ZNF491: variants seen among roughly 807,000 people sequenced by gnomAD.
The protein encoded by ZNF491 is zinc finger protein 491.
Under a neutral mutation model 34.7 loss-of-function variants are expected in ZNF491, and 22 were observed. The ratio of observed to expected loss-of-function variants is 0.63; its 90% confidence interval spans 0.45 to 0.90. The LOEUF (loss-of-function observed/expected upper bound fraction) is 0.90. Among genes scored for constraint, ZNF491 ranks in the 40% least tolerant of loss-of-function variants. The pLI is 0.00. For missense variants in ZNF491, 559 were observed against 531.7 expected, an observed-to-expected ratio of 1.05 and a Z score of -0.51; for synonymous variants, 148 against 174.3, an observed-to-expected ratio of 0.85 and a Z score of 1.19.
Position 11,807,489 on chromosome 19 carries a change from C to T in ZNF491, c.*222C>T, listed in dbSNP as rs1975631904. 7.1e-6 allele frequency: 3 copies of T among 422,944 alleles called. No homozygotes were observed. Among genetic ancestry groups the T allele is most frequent in the African/African-American group, 2.0e-5 (1 of 48,878 alleles). The allele number at this position is 422,944 out of a possible 1,614,324, so 26.2% of individuals were successfully genotyped here. On this transcript the variant is annotated 3_prime_UTR_variant, in exon 3 of 3. Transcript: ENST00000323169. The stretch of plus-strand genomic sequence containing the variant: ...AGGCAGACATGAGGAAGGCCTTAGT[C>T]ACATTTTAGAGCCAGCCAAATTCAC...
At position 11,806,746 on chromosome 19, in the gene ZNF491, C is replaced by A. The variant is rs1040781481; in HGVS notation, c.793C>A (p.His265Asn). 1.9e-6 allele frequency: 3 copies of A among 1,613,892 alleles called. No individual in the cohort carries two copies. Among genetic ancestry groups the A allele is most frequent in the Non-Finnish European group, 2.5e-6 (3 of 1,179,910 alleles). ...AAGCTTTCGAAGACACATGAGAATG[C>A]ACACTGGAGAGAGGCCTCATAAATG... ...LISFRRHMRM[H>N]TGERPHKCKI... is the part of the protein sequence containing the mutation. The change falls in exon 3 of 3, where the codon CAC becomes AAC. Residue 265 changes from histidine (H) to asparagine (N), a missense_variant. Coordinates refer to ENST00000323169, the MANE Select transcript of ZNF491 (RefSeq NM_152356.4).
chr19:11,802,687 G>C (rs200673443), intron 1 of ZNF491, among the ~76,000 whole-genome samples: 1 of 152,106 alleles, frequency 6.6e-6, no homozygotes, highest in Non-Finnish European at 1.5e-5. Context: ...TTAATCAGTT[G>C]GGTTGGTGAG....
chr19:11,807,358 C>A lies in ZNF491; in HGVS notation c.*91C>A. 3.3e-6 allele frequency: 3 copies of A among 897,720 alleles called. No homozygotes were observed. Among genetic ancestry groups the A allele is most frequent in the East Asian group, 5.6e-5 (2 of 35,870 alleles). The allele number at this position is 897,720 out of a possible 1,614,324, so 55.6% of individuals were successfully genotyped here. A position where few individuals can be genotyped will look rare whatever the true frequency, so the allele number is the denominator to read the frequency against. On this transcript the variant is annotated 3_prime_UTR_variant, in exon 3 of 3. Transcript: ENST00000323169. ...TCTTGAACTCCTGGCCTCAAGCATCCCTCCCAGCTTGAAGTGTCAATAAAG... is the reference window on the plus strand; with the variant it reads ...TCTTGAACTCCTGGCCTCAAGCATCACTCCCAGCTTGAAGTGTCAATAAAG...
At position 11,806,213 on chromosome 19, in the gene ZNF491, G is replaced by C. The variant is rs1230079416; in HGVS notation, c.260G>C (p.Ser87Thr). The C allele has an allele frequency of 6.2e-7, 1 of 1,613,826 alleles. No homozygotes were observed. The highest frequency in any genetic ancestry group is 1.3e-5 in the African/African-American group (1 of 75,008). ...CAACGTAGGAAAGCCTTGAGCCATA[G>C]CCACTGCTTTCGAACACATGAAAGG... Reference protein sequence around the residue: ...HKQRRKALSHSHCFRTHERPH... With the variant: ...HKQRRKALSHTHCFRTHERPH... Residue 87 changes from serine to threonine, a missense_variant, in exon 3 of 3, where the codon AGC becomes ACC. Coordinates refer to ENST00000323169, the MANE Select transcript of ZNF491 (RefSeq NM_152356.4).
At chr19:11,803,004 T>C (rs973116082) in intron 1 of ZNF491, among the ~76,000 whole-genome samples, 2 of 150,780 alleles carry the variant, frequency 1.3e-5, no homozygotes, top group Non-Finnish European at 3.0e-5. Context: ...TTTTCCAAGA[T>C]GGACTCTCAC....
chr19:11,801,832 A>C (rs1216521071), intron 1 of ZNF491, among the ~76,000 whole-genome samples: 1 of 152,108 alleles, frequency 6.6e-6, no homozygotes, highest in South Asian at 2.1e-4. Flanking sequence ...ATGAAGTTTC[A>C]TGCCTGTTGT....
intron 1 of ZNF491, among the ~76,000 whole-genome samples, chr19:11,799,804 C>A (rs1054221192): frequency 2.0e-5 from 3 of 151,952 alleles, no homozygotes; most frequent in Non-Finnish European, 2.9e-5. Flanking sequence ...CGTGGTGGCA[C>A]GTGCCTGTAA....
chr19:11,806,845 C>A lies in ZNF491; in HGVS notation c.892C>A (p.Pro298Thr). ...RHERSHTGEK[P>T]YKCKQCGKAF... ...TGAAAGAAGTCACACTGGAGAGAAA[C>A]CCTACAAATGCAAGCAATGTGGGAA... Residue 298 changes from proline (P) to threonine (T), a missense_variant, in exon 3 of 3, where the codon CCC (proline) becomes ACC (threonine). Pro to Thr is a conservative substitution (Grantham distance 38). Transcript: ENST00000323169. The A allele has an allele frequency of 1.2e-6, 2 of 1,609,286 alleles. No homozygotes were observed. The highest frequency in any genetic ancestry group is 2.2e-5 in the South Asian group (2 of 90,374).
At chr19:11,800,564 A>C (rs933256010) in intron 1 of ZNF491, among the ~76,000 whole-genome samples, 1 of 136,394 alleles carries the variant, frequency 7.3e-6, no homozygotes, top group Non-Finnish European at 1.5e-5. Context: ...TCTGTTGCCC[A>C]GGCTGGAGTG....
intron 1 of ZNF491, among the ~76,000 whole-genome samples, chr19:11,800,515 C>CTTTT (rs529515412): frequency 8.1e-6 from 1 of 123,812 alleles, no homozygotes; most frequent in East Asian, 2.3e-4. Flanking sequence ...ATAAGGAAAA[C>CTTTT]TTTTTTTTTT....
chr19:11,806,224 C>A lies in ZNF491; in HGVS notation c.271C>A (p.Arg91=). 1 of 1,613,402 alleles carries A rather than the reference C, an allele frequency of 6.2e-7. No individual in the cohort carries two copies. Among genetic ancestry groups the A allele is most frequent in the Non-Finnish European group, 8.5e-7 (1 of 1,179,840 alleles). Residue 91 remains arginine (R), a synonymous_variant, in exon 3 of 3, where the codon CGA becomes AGA. Transcript: ENST00000323169. ...RKALSHSHCF[R]THERPHTREK... ...AGCCTTGAGCCATAGCCACTGCTTT[C>A]GAACACATGAAAGGCCTCACACTAG...
At chr19:11,804,715 T>C in intron 2 of ZNF491, 48 bp downstream of exon 2, 2 of 1,011,386 alleles carry the variant, frequency 2.0e-6, no homozygotes, top group Non-Finnish European at 2.6e-6. Flanking sequence ...GAACATATGT[T>C]TCTAGTTCAT....
intron 2 of ZNF491, among the ~76,000 whole-genome samples, 177 bp from the exon 3 acceptor site, chr19:11,805,770 C>T (rs1431195927): frequency 6.6e-6 from 1 of 152,092 alleles, no homozygotes; most frequent in Admixed American, 6.6e-5. Context: ...TCACTTGAGC[C>T]CAGGCGGTGA....
At position 11,807,208 on chromosome 19, in the gene ZNF491, G is replaced by A. The variant is rs768545693; in HGVS notation, c.1255G>A (p.Ala419Thr). The change falls in exon 3 of 3, where the codon GCC becomes ACC. Residue 419 changes from alanine to threonine, a missense_variant. By Grantham distance (58) the Ala-to-Thr change is moderately conservative (BLOSUM62 0). Transcript: ENST00000323169. ...TTACCAATGTAAGGAATGTGGGAAA[G>A]CCTTCATTCGTTCCAGTTACTGTCG... The part of the protein sequence containing the change: ...KPYQCKECGK[A>T]FIRSSYCRKH... 1.3e-6 allele frequency: 2 copies of A among 1,582,142 alleles called. No homozygotes were observed. The highest frequency in any genetic ancestry group is 2.3e-5 in the South Asian group (2 of 85,592).
At position 11,806,097 on chromosome 19, in the gene ZNF491, A is replaced by T; in HGVS notation, c.144A>T (p.Gly48=). 1 of 1,613,950 alleles carries T rather than the reference A, an allele frequency of 6.2e-7. No individual in the cohort carries two copies. The highest frequency in any genetic ancestry group is 1.1e-5 in the South Asian group (1 of 91,056). The change falls in exon 3 of 3, where the codon GGA becomes GGT. Residue 48 remains glycine, a synonymous_variant. Coordinates refer to ENST00000323169, the MANE Select transcript of ZNF491 (RefSeq NM_152356.4). ...GTACATGTGGAGAAATCTTCATGGGATATTCATCCTTTAATAGGAACATCA... is the reference window on the plus strand; with the variant it reads ...GTACATGTGGAGAAATCTTCATGGGTTATTCATCCTTTAATAGGAACATCA... ...ESGTCGEIFM[G]YSSFNRNIRT... is the part of the protein sequence containing the mutation.
At chr19:11,801,356 T>G (rs1419878502) in intron 1 of ZNF491, among the ~76,000 whole-genome samples, 1 of 152,142 alleles carries the variant, frequency 6.6e-6, no homozygotes, top group Non-Finnish European at 1.5e-5. Context: ...GGGAGAAATG[T>G]CATTAAAATC....
At chr19:11,803,815 C>A (rs778925618) in intron 1 of ZNF491, among the ~76,000 whole-genome samples, 1 of 152,194 alleles carries the variant, frequency 6.6e-6, no homozygotes, top group Non-Finnish European at 1.5e-5. Context: ...TTACCCCTTT[C>A]CATACTCTGT....
At chr19:11,805,409 CAAAAAAAAAAA>C (rs971587205) in intron 2 of ZNF491, among the ~76,000 whole-genome samples, 2 of 48,974 alleles carry the variant, frequency 4.1e-5, no homozygotes, top group African/African-American at 7.4e-5. Context: ...AACTCCGTCT[CAAAAAAAAAAA>C]AAAAAAAAAA....
At chr19:11,802,384 A>G (rs1975567104) in intron 1 of ZNF491, among the ~76,000 whole-genome samples, 1 of 152,132 alleles carries the variant, frequency 6.6e-6, no homozygotes. Context: ...AATTCTTTAT[A>G]TTTGCTGAAA....
Sources: allele counts gnomAD v4.1 joint callset (sites outside exome capture counted in the v4.1 genomes callset), GRCh38; gene constraint gnomAD v4.1.1; transcripts MANE v1.5; gene names NCBI Gene and HGNC (gene_info 2026-07-23, HGNC 2026-07-21).